The following PROSER2 variants were observed in gnomAD, a reference collection of about 807,000 sequenced individuals.
PROSER2 encodes proline and serine rich 2.
In PROSER2, 18 loss-of-function variants were observed where a neutral mutation model predicts 14.6. The ratio of observed to expected loss-of-function variants is 1.23; its 90% CI spans 0.85 to 1.83. PROSER2 has a LOEUF of 1.83. Ranked by LOEUF, PROSER2 falls within the 40% of genes most tolerant of loss-of-function variation. The pLI is 0.00. For synonymous variants in PROSER2, 367 were observed against 286.4 expected (o/e 1.28, Z -2.84); for missense variants, 823 against 629.8 (o/e 1.31, Z -3.28).
At chr10:11,844,845 C>T (rs1270826664) in intron 1 of PROSER2, among the ~76,000 whole-genome samples, 1 of 152,198 alleles carries the variant, frequency 6.6e-6, no homozygotes, top group East Asian at 1.9e-4. Flanking sequence ...TGGTCTCAAA[C>T]TCCTGACCTC....
At chr10:11,850,581 A>G (rs1378382730) in intron 1 of PROSER2, 1 of 152,170 alleles carries the variant, frequency 6.6e-6, no homozygotes, top group Non-Finnish European at 1.5e-5. Flanking sequence ...TACTATTTGG[A>G]ATAGTGGCAA....
chr10:11,866,975 A>G lies in PROSER2; in HGVS notation c.391+192A>G, dbSNP rs776090045. Reference sequence around the variant, plus strand: ...AATGCCAGAGGGCCTAGAATAAAGAATGGAATGGGCCAGGCGCGGTGGCTC... The same window carrying G: ...AATGCCAGAGGGCCTAGAATAAAGAGTGGAATGGGCCAGGCGCGGTGGCTC... On this transcript the variant is annotated intron_variant, in intron 3 of 3. Transcript: ENST00000277570. The surrounding 1 kb of genome is among the most constrained non-coding windows in gnomAD (Gnocchi z 6.0). Among the ~76,000 whole-genome samples, 51 of 152,180 alleles carry G rather than the reference A, an allele frequency of 3.4e-4. No homozygotes were observed. Among genetic ancestry groups the G allele is most frequent in the Non-Finnish European group, 6.2e-4 (42 of 68,026 alleles).
Position 11,870,022 on chromosome 10 carries a change from GGGCGGCTCCTCCC to G in PROSER2, c.925_937del (p.Gly309ArgfsTer40). On this transcript the variant is annotated frameshift_variant, in exon 4 of 4. Transcript: ENST00000277570. LOFTEE classifies it low-confidence loss of function (END_TRUNC). ...GGGACGCCGGCGAGGGGGCCCCAGGGGGCGGCTCCTCCCCGGAGCGGGTGGCGCGTGGCCGGGG... is the reference window on the plus strand; with the variant it reads ...GGGACGCCGGCGAGGGGGCCCCAGGGCGGAGCGGGTGGCGCGTGGCCGGGG... 8.1e-7 allele frequency: 1 copy of G among 1,242,012 alleles called. No individual in the cohort carries two copies. The highest frequency in any genetic ancestry group is 3.1e-5 in the South Asian group (1 of 31,908). 76.9% of individuals were successfully genotyped at this position (1,242,012 alleles called of 1,614,324 possible). A position where few individuals can be genotyped will look rare whatever the true frequency, so the allele number is the denominator to read the frequency against.
rs74642376 is a variant in PROSER2, at chr10:11,842,235, T to C, written c.-81-9762T>C. Among the ~76,000 whole-genome samples the C allele has an allele frequency of 4.0e-3, 594 of 148,650 alleles. 2 individuals carry two copies. Among genetic ancestry groups the C allele is most frequent in the African/African-American group, 0.014 (556 of 39,920 alleles). ...GACTCAGTCTCAAAAAAAAAAAAAA[T>C]CCAGTGTGACAATGTTTTTATTTTA... On this transcript the variant is annotated intron_variant, in intron 1 of 3. Transcript: ENST00000277570.
At chr10:11,849,412 C>T (rs546799558) in intron 1 of PROSER2, among the ~76,000 whole-genome samples, 4 of 152,300 alleles carry the variant, frequency 2.6e-5, no homozygotes, top group African/African-American at 9.6e-5. Flanking sequence ...GTCTGAGTCC[C>T]AGAGAGCTTC....
intron 2 of PROSER2, among the ~76,000 whole-genome samples, chr10:11,859,068 T>C (rs1272154664): frequency 6.7e-6 from 1 of 148,522 alleles, no homozygotes; most frequent in Non-Finnish European, 1.5e-5. Context: ...TTTTAACATC[T>C]GAAGATGTGT....
intron 2 of PROSER2, among the ~76,000 whole-genome samples, chr10:11,863,716 A>G (rs943618886): frequency 6.6e-6 from 1 of 152,176 alleles, no homozygotes; most frequent in Admixed American, 6.5e-5. Flanking sequence ...CACTATTGAC[A>G]TATTGCTATA....
rs1006508177 is a variant in PROSER2, at chr10:11,860,077, C to T, written c.139-6454C>T. 3.9e-5 allele frequency among the ~76,000 whole-genome samples: 6 copies of T among 152,194 alleles called. No homozygotes were observed. In the East Asian group the frequency reaches 5.8e-4, roughly 15 times the overall value. ...CCTCCCCTCCCAGGGAAGGCAGATC[C>T]GGGTTCACTGTGGAAGGTGGCTTCG... On this transcript the variant is annotated intron_variant, in intron 2 of 3. Coordinates refer to ENST00000277570, the MANE Select transcript of PROSER2 (RefSeq NM_153256.4).
Position 11,853,503 on chromosome 10 carries a change from A to G in PROSER2, c.138+1288A>G, listed in dbSNP as rs140132943. Among the ~76,000 whole-genome samples the G allele has an allele frequency of 8.4e-4, 128 of 152,222 alleles. 1 individual carries two copies. The highest frequency in any genetic ancestry group is 3.0e-3 in the African/African-American group (124 of 41,548). On this transcript the variant is annotated intron_variant, in intron 2 of 3. Transcript: ENST00000277570. ...CTCGGGAGGCTGAGGCAGGAGAATC[A>G]CTTGAACCAGGAGGCAGAGGTTGTA... is the stretch of plus-strand genomic sequence containing the variant.
At chr10:11,827,125 A>G (rs1371116676) in intron 1 of PROSER2, among the ~76,000 whole-genome samples, 4 of 149,214 alleles carry the variant, frequency 2.7e-5, no homozygotes, top group Non-Finnish European at 5.9e-5. Context: ...GGTTCAAGCG[A>G]TCTTCCCACA....
rs777162097 is a variant in PROSER2 at position 11,866,514 on chromosome 10, C to T, written c.139-17C>T. ...GTGTTTGTTTTCTCTCTTCTGTTCC[C>T]AATCCCTGTACTCTAGGATGATGAG... On this transcript the variant is annotated splice_polypyrimidine_tract_variant and intron_variant, in intron 2 of 3. Transcript: ENST00000277570. This position sits in a 1 kb window ranked among gnomAD's most constrained non-coding sequence, Gnocchi z 6.0. The T allele has an allele frequency of 3.1e-6, 5 of 1,612,612 alleles. No individual in the cohort carries two copies. The Admixed American group carries it at 8.4e-5, about 27-fold the overall frequency.
intron 1 of PROSER2, among the ~76,000 whole-genome samples, chr10:11,826,361 C>A (rs1308362310): frequency 6.6e-6 from 1 of 152,114 alleles, no homozygotes; most frequent in Non-Finnish European, 1.5e-5. Context: ...TTTGTTTGAA[C>A]ACCTGTTGTC....
intron 2 of PROSER2, among the ~76,000 whole-genome samples, chr10:11,861,370 G>C (rs183335670): frequency 1.3e-5 from 2 of 152,258 alleles, no homozygotes; most frequent in Admixed American, 1.3e-4. Context: ...CCACACTCTA[G>C]GGCAGTTGCT....
At chr10:11,846,944 G>C (rs985249860) in intron 1 of PROSER2, among the ~76,000 whole-genome samples, 7 of 151,648 alleles carry the variant, frequency 4.6e-5, no homozygotes, top group African/African-American at 1.7e-4. Context: ...GGGTCGGGGG[G>C]CATCTCTATG....
At chr10:11,848,876 T>C (rs1158754865) in intron 1 of PROSER2, among the ~76,000 whole-genome samples, 2 of 152,176 alleles carry the variant, frequency 1.3e-5, no homozygotes, top group African/African-American at 2.4e-5. Context: ...GTGGGTGATG[T>C]TGAAGTGGTG....
At position 11,870,136 on chromosome 10, in the gene PROSER2, A is replaced by G. The variant is rs1376147051; in HGVS notation, c.1038A>G (p.Pro346=). 1.4e-6 allele frequency: 2 copies of G among 1,393,720 alleles called. No individual in the cohort carries two copies. Among genetic ancestry groups the G allele is most frequent in the Non-Finnish European group, 9.3e-7 (1 of 1,080,080 alleles). The allele number at this position is 1,393,720 out of a possible 1,614,324, so 86.3% of individuals were successfully genotyped here. A position where few individuals can be genotyped will look rare whatever the true frequency, so the allele number is the denominator to read the frequency against. ...GCCCGGCGCTGGCCAACGGCTTCCCAAGTGCGCACGAGGCCCTGAAGAGCG... is the reference window on the plus strand; with the variant it reads ...GCCCGGCGCTGGCCAACGGCTTCCCGAGTGCGCACGAGGCCCTGAAGAGCG... ...PRGPALANGF[P]SAHEALKSAP... The change falls in exon 4 of 4, where the codon CCA becomes CCG. Residue 346 remains proline (P), a synonymous_variant. Transcript: ENST00000277570.
intron 1 of PROSER2, among the ~76,000 whole-genome samples, chr10:11,847,406 G>A (rs1036518953): frequency 6.6e-6 from 1 of 151,474 alleles, no homozygotes; most frequent in Admixed American, 6.6e-5. Flanking sequence ...ATTCTGTTTT[G>A]TTGTTTTGTT....
intron 3 of PROSER2, among the ~76,000 whole-genome samples, chr10:11,867,699 G>A (rs1157862188): frequency 6.6e-6 from 1 of 152,216 alleles, no homozygotes; most frequent in African/African-American, 2.4e-5. Context: ...CATGGGTAGA[G>A]GCTGTAGATA....
rs140851705 is a variant in PROSER2, at chr10:11,866,639, G to A, written c.247G>A (p.Asp83Asn). 1,124 of 1,614,114 alleles carry A rather than the reference G, an allele frequency of 7.0e-4. 1 individual carries two copies. Among genetic ancestry groups the A allele is most frequent in the Non-Finnish European group, 8.8e-4 (1,035 of 1,180,060 alleles). ...DEDFEEPVLC[D>N]GGVCCLCSPS... ...GGACTTTGAGGAGCCAGTGCTGTGC[G>A]ATGGAGGAGTGTGCTGCCTCTGCTC... is the stretch of plus-strand genomic sequence containing the variant. The change falls in exon 3 of 4, where the codon GAT (aspartate) becomes AAT (asparagine). Residue 83 changes from aspartate to asparagine, a missense_variant. Physicochemically the swap from Asp to Asn is conservative, Grantham distance 23. Transcript: ENST00000277570. This position sits in a 1 kb window ranked among gnomAD's most constrained non-coding sequence, Gnocchi z 6.0.
Sources: allele counts gnomAD v4.1 joint callset (sites outside exome capture counted in the v4.1 genomes callset), GRCh38; gene constraint gnomAD v4.1.1; non-coding constraint Gnocchi (gnomAD v3.1); transcripts MANE v1.5; gene names NCBI Gene and HGNC (gene_info 2026-07-23, HGNC 2026-07-21).